Variants in DPP10 observed in about 807,000 individuals in gnomAD.
The protein encoded by DPP10 is inactive dipeptidyl peptidase 10.
In DPP10, 33 loss-of-function variants were observed where a neutral mutation model predicts 120.9. That is an observed-to-expected ratio of 0.27 (90% CI 0.21 to 0.37). The LOEUF is 0.37. Ranked by LOEUF, DPP10 falls within the 10% of genes least tolerant of loss-of-function variation. The pLI is 1.00. For missense variants in DPP10, 816 were observed against 942.8 expected, an observed-to-expected ratio of 0.87 and a Z score of 1.76; for synonymous variants, 337 against 326.1, an observed-to-expected ratio of 1.03 and a Z score of -0.36.
intron 1 of DPP10, among the ~76,000 whole-genome samples, chr2:114,475,397 C>G (rs1573435243): frequency 6.6e-6 from 1 of 152,134 alleles, no homozygotes; most frequent in South Asian, 2.1e-4. Context: ...CATTTATATT[C>G]AAAAGTATCA....
intron 1 of DPP10, among the ~76,000 whole-genome samples, chr2:115,028,766 G>A (rs902090797): frequency 3.9e-5 from 6 of 151,966 alleles, no homozygotes; most frequent in Admixed American, 1.3e-4. Flanking sequence ...ATGTCTATAC[G>A]AGTATATCCT....
At chr2:115,672,812 T>TCTTG (rs2090009104) in intron 5 of DPP10, among the ~76,000 whole-genome samples, 1 of 151,724 alleles carries the variant, frequency 6.6e-6, no homozygotes, top group Non-Finnish European at 1.5e-5. Flanking sequence ...AGTGGCCTGA[T>TCTTG]CTTGGTTCAC....
At chr2:115,594,605 C>A (rs1021764772) in intron 5 of DPP10, among the ~76,000 whole-genome samples, 1 of 152,236 alleles carries the variant, frequency 6.6e-6, no homozygotes, top group Non-Finnish European at 1.5e-5. Context: ...TTTCTCTAGT[C>A]CAATGGCACA....
At chr2:115,798,617 G>C (rs1373407740) in intron 19 of DPP10, among the ~76,000 whole-genome samples, 1 of 152,020 alleles carries the variant, frequency 6.6e-6, no homozygotes, top group African/African-American at 2.4e-5. Flanking sequence ...ATATATTTTT[G>C]AGCAACAAGT....
At chr2:114,856,106 C>T (rs540033766) in intron 1 of DPP10, among the ~76,000 whole-genome samples, 1 of 152,182 alleles carries the variant, frequency 6.6e-6, no homozygotes, top group South Asian at 2.1e-4. Flanking sequence ...CTGGACCAGG[C>T]ATTGCATGTA....
At chr2:115,454,205 T>C (rs2073344217) in intron 3 of DPP10, among the ~76,000 whole-genome samples, 1 of 151,548 alleles carries the variant, frequency 6.6e-6, no homozygotes, top group African/African-American at 2.4e-5. Context: ...ATGTATTTTA[T>C]TAATAGGCTA....
chr2:115,128,787 A>T (rs1423541597), intron 1 of DPP10, among the ~76,000 whole-genome samples: 1 of 152,196 alleles, frequency 6.6e-6, no homozygotes, highest in South Asian at 2.1e-4. Flanking sequence ...TTCATAATAT[A>T]GTTTTATGTG....
intron 1 of DPP10, among the ~76,000 whole-genome samples, chr2:114,508,635 A>G (rs1264736635): frequency 6.6e-6 from 1 of 152,176 alleles, no homozygotes; most frequent in Non-Finnish European, 1.5e-5. Context: ...AATGGGAAGT[A>G]TAGCACATCA....
chr2:115,654,760 C>T (rs1010840178), intron 5 of DPP10, among the ~76,000 whole-genome samples: 1 of 151,768 alleles, frequency 6.6e-6, no homozygotes, highest in Non-Finnish European at 1.5e-5. Context: ...CAATCAATAT[C>T]TCTCAGTCTC....
chr2:114,942,679 A>C (rs1697050651), intron 1 of DPP10, among the ~76,000 whole-genome samples: 1 of 151,870 alleles, frequency 6.6e-6, no homozygotes, highest in African/African-American at 2.4e-5. Context: ...CCCTCAGTCA[A>C]CTTCAACATC....
At chr2:114,684,574 C>T (rs1322752849) in intron 1 of DPP10, among the ~76,000 whole-genome samples, 1 of 151,896 alleles carries the variant, frequency 6.6e-6, no homozygotes, top group African/African-American at 2.4e-5. Flanking sequence ...AACTTGACTG[C>T]ACTAGGACAC....
At chr2:115,528,139 C>T (rs111472513) in intron 5 of DPP10, among the ~76,000 whole-genome samples, 10,299 of 151,886 alleles carry the variant, frequency 0.068, 450 homozygotes, top group Middle Eastern at 0.13. Context: ...TGAGGAATTG[C>T]CACACTGTCT....
chr2:115,772,420 T>C (rs1681584965), intron 13 of DPP10, among the ~76,000 whole-genome samples: 1 of 152,188 alleles, frequency 6.6e-6, no homozygotes, highest in South Asian at 2.1e-4. Context: ...ATATATGTAT[T>C]TCCAGATCAC....
At chr2:115,165,863 A>G (rs2052797583) in intron 1 of DPP10, among the ~76,000 whole-genome samples, 1 of 152,204 alleles carries the variant, frequency 6.6e-6, no homozygotes, top group Non-Finnish European at 1.5e-5. Context: ...TATGACTAAA[A>G]AGCATATTTT....
At chr2:115,207,416 CAAAAAAAAAAAAAAAAA>C (rs57462947) in intron 1 of DPP10, among the ~76,000 whole-genome samples, 8 of 52,312 alleles carry the variant, frequency 1.5e-4, no homozygotes, top group African/African-American at 4.6e-4. Flanking sequence ...CTTACTGCAC[CAAAAAAAAAAAAAAAAA>C]AAAAAAAAAA....
At chr2:115,496,220 A>G (rs1257821356) in intron 3 of DPP10, among the ~76,000 whole-genome samples, 1 of 152,124 alleles carries the variant, frequency 6.6e-6, no homozygotes, top group African/African-American at 2.4e-5. Context: ...AAGGGCAGAT[A>G]TTAGTTTCTT....
intron 1 of DPP10, among the ~76,000 whole-genome samples, chr2:114,899,325 A>G (rs1693337718): frequency 6.6e-6 from 1 of 152,096 alleles, no homozygotes; most frequent in African/African-American, 2.4e-5. Context: ...ACAACCACGA[A>G]AAAAATGCAT....
intron 1 of DPP10, among the ~76,000 whole-genome samples, chr2:114,515,911 T>C (rs1684559505): frequency 6.6e-6 from 1 of 152,160 alleles, no homozygotes; most frequent in Admixed American, 6.5e-5. Flanking sequence ...AAACATTAAT[T>C]CTCCGCATGC....
intron 10 of DPP10, among the ~76,000 whole-genome samples, chr2:115,747,009 GA>G (rs1418649807): frequency 1.3e-5 from 2 of 152,104 alleles, no homozygotes. Context: ...ACATTATTTA[GA>G]AAAAATTTCA....
Sources: allele counts gnomAD v4.1 joint callset (sites outside exome capture counted in the v4.1 genomes callset), GRCh38; gene constraint gnomAD v4.1.1; transcripts MANE v1.5; gene names NCBI Gene and HGNC (gene_info 2026-07-23, HGNC 2026-07-21).